Variants in UBE2E2 observed in about 807,000 individuals in gnomAD.
The protein encoded by UBE2E2 is ubiquitin conjugating enzyme E2 E2, also known as ubiquitin-conjugating enzyme E2 E2.
A neutral mutation model predicts 24.7 loss-of-function variants in UBE2E2; 6 were observed. The ratio of observed to expected loss-of-function variants is 0.24; its 90% CI spans 0.13 to 0.48. The LOEUF is 0.48. UBE2E2 is among the 20% of genes least tolerant of loss of function. The pLI is 0.99. For missense variants in UBE2E2, 169 were observed against 245.0 expected (o/e 0.69, Z 2.07); for synonymous variants, 104 against 83.6 (o/e 1.24, Z -1.33).
At chr3:23,361,076 A>G (rs916355645) in intron 3 of UBE2E2, among the ~76,000 whole-genome samples, 3 of 152,236 alleles carry the variant, frequency 2.0e-5, no homozygotes, top group Admixed American at 2.0e-4. Context: ...AATATGAAGA[A>G]ATGCTCAACA....
intron 5 of UBE2E2, among the ~76,000 whole-genome samples, chr3:23,569,676 A>G (rs565677849): frequency 6.6e-6 from 1 of 152,236 alleles, no homozygotes; most frequent in African/African-American, 2.4e-5. Flanking sequence ...TTATTACTTA[A>G]TTAAGCCTGG....
rs373846248 is a variant in UBE2E2, at chr3:23,576,741, A to G, written c.509-12993A>G. Among the ~76,000 whole-genome samples, 47 of 152,266 alleles carry G rather than the reference A, an allele frequency of 3.1e-4. No homozygotes were observed. The East Asian group carries it at 3.5e-3, about 11-fold the overall frequency. On this transcript the variant is annotated intron_variant, in intron 5 of 5. Transcript: ENST00000396703. ...GACAGACAGTCCTGTGAGGGGAGAA[A>G]CTTGTTTAGCACTGGTTCTCCAGTA...
chr3:23,532,180 G>A (rs1477100853), intron 4 of UBE2E2, among the ~76,000 whole-genome samples: 1 of 151,946 alleles, frequency 6.6e-6, no homozygotes, highest in African/African-American at 2.4e-5. Context: ...TAAAATAACT[G>A]GAATCTAACA....
At chr3:23,296,641 T>A (rs1011973551) in intron 3 of UBE2E2, among the ~76,000 whole-genome samples, 1 of 152,220 alleles carries the variant, frequency 6.6e-6, no homozygotes, top group Admixed American at 6.5e-5. Flanking sequence ...CATGAACTCA[T>A]CCTTTTTTAT....
At chr3:23,444,021 T>A (rs1279933892) in intron 3 of UBE2E2, among the ~76,000 whole-genome samples, 1 of 151,444 alleles carries the variant, frequency 6.6e-6, no homozygotes, top group Non-Finnish European at 1.5e-5. Context: ...CAGTAATTGA[T>A]ACACATCTTC....
intron 3 of UBE2E2, among the ~76,000 whole-genome samples, chr3:23,217,574 A>G (rs957989725): frequency 1.1e-4 from 16 of 152,084 alleles, no homozygotes; most frequent in African/African-American, 3.9e-4. Flanking sequence ...ATTATAGGGT[A>G]ACAAATACAC....
chr3:23,253,340 A>G (rs79909630), intron 3 of UBE2E2, among the ~76,000 whole-genome samples: 11,208 of 152,288 alleles, frequency 0.074, 527 homozygotes, highest in Non-Finnish European at 0.09. Flanking sequence ...AAAAATACCC[A>G]TGATGACTGT....
At chr3:23,215,959 A>G (rs2125321321) in intron 2 of UBE2E2, among the ~76,000 whole-genome samples, 1 of 152,304 alleles carries the variant, frequency 6.6e-6, no homozygotes, top group African/African-American at 2.4e-5. Context: ...GCATATAAAT[A>G]CTTCACAGAA....
chr3:23,301,862 T>G (rs1360265330), intron 3 of UBE2E2, among the ~76,000 whole-genome samples: 1 of 140,580 alleles, frequency 7.1e-6, no homozygotes, highest in Non-Finnish European at 1.5e-5. Flanking sequence ...CACTGGGAGC[T>G]GTAGACGGGA....
chr3:23,533,462 T>C (rs918476417), intron 5 of UBE2E2, among the ~76,000 whole-genome samples: 1 of 152,224 alleles, frequency 6.6e-6, no homozygotes, highest in Admixed American at 6.5e-5. Context: ...CTCTGTTCAC[T>C]GGATACATGA....
intron 3 of UBE2E2, among the ~76,000 whole-genome samples, chr3:23,358,672 C>G (rs972897477): frequency 3.3e-5 from 5 of 152,240 alleles, no homozygotes; most frequent in Admixed American, 2.0e-4. Context: ...TATTTTGCTT[C>G]TACCTCTTTT....
chr3:23,556,453 T>TAAAAAAAAAAAAAAAAA (rs1321819270), intron 5 of UBE2E2, among the ~76,000 whole-genome samples: 1 of 69,000 alleles, frequency 1.4e-5, no homozygotes, highest in East Asian at 3.4e-4. Context: ...TAAAATTTAT[T>TAAAAAAAAAAAAAAAAA]TAAAAAAAAA....
intron 3 of UBE2E2, among the ~76,000 whole-genome samples, chr3:23,400,356 G>T (rs1330697800): frequency 6.6e-6 from 1 of 152,132 alleles, no homozygotes; most frequent in Non-Finnish European, 1.5e-5. Flanking sequence ...TCTGTTTTGA[G>T]TTGGGGTCTT....
intron 3 of UBE2E2, among the ~76,000 whole-genome samples, chr3:23,437,620 C>T (rs1698212863): frequency 6.6e-6 from 1 of 152,120 alleles, no homozygotes; most frequent in Admixed American, 6.5e-5. Flanking sequence ...AGAGGAATGC[C>T]GGAGGCCCTG....
chr3:23,418,240 C>T (rs1036860789), intron 3 of UBE2E2, among the ~76,000 whole-genome samples: 2 of 152,162 alleles, frequency 1.3e-5, no homozygotes, highest in Non-Finnish European at 2.9e-5. Flanking sequence ...GTGGGAAAAG[C>T]GTAGTATCAG....
At chr3:23,233,840 A>G (rs1039769566) in intron 3 of UBE2E2, among the ~76,000 whole-genome samples, 3 of 152,216 alleles carry the variant, frequency 2.0e-5, no homozygotes, top group Non-Finnish European at 2.9e-5. Context: ...AAAACTACAT[A>G]TTCATGGGAT....
intron 3 of UBE2E2, among the ~76,000 whole-genome samples, chr3:23,442,789 G>A (rs941750994): frequency 2.0e-5 from 3 of 152,308 alleles, no homozygotes; most frequent in Admixed American, 6.5e-5. Flanking sequence ...ATAAGGGGGC[G>A]TGGTTACTGA....
At chr3:23,511,034 G>C (rs1447227170) in intron 4 of UBE2E2, among the ~76,000 whole-genome samples, 1 of 152,134 alleles carries the variant, frequency 6.6e-6, no homozygotes, top group African/African-American at 2.4e-5. Flanking sequence ...CAGTGGTCTA[G>C]ATACTGAACA....
chr3:23,547,987 A>T (rs939105412), intron 5 of UBE2E2, among the ~76,000 whole-genome samples: 9 of 152,188 alleles, frequency 5.9e-5, no homozygotes, highest in African/African-American at 1.9e-4. Flanking sequence ...TACCGGAGGG[A>T]AGACTGGAGG....
Sources: allele counts gnomAD v4.1 joint callset (sites outside exome capture counted in the v4.1 genomes callset), GRCh38; gene constraint gnomAD v4.1.1; transcripts MANE v1.5; gene names NCBI Gene and HGNC (gene_info 2026-07-23, HGNC 2026-07-21).